Variants in STK32B observed in about 807,000 individuals in gnomAD.
The protein encoded by STK32B is serine/threonine kinase 32B, also known as serine/threonine-protein kinase 32B.
A neutral mutation model predicts 52.6 loss-of-function variants in STK32B; 43 were observed. That is an observed-to-expected ratio of 0.82 (90% CI 0.64 to 1.05). STK32B has a LOEUF of 1.05. Ranked by LOEUF, STK32B falls within the 50% of genes least tolerant of loss-of-function variation. The pLI, the probability that STK32B is intolerant of heterozygous loss-of-function variation, is 0.00. For synonymous variants in STK32B, 238 were observed against 204.3 expected, an observed-to-expected ratio of 1.17 and a Z score of -1.41; for missense variants, 621 against 534.6, an observed-to-expected ratio of 1.16 and a Z score of -1.59.
At chr4:5,140,513 T>G (rs1250754962) in intron 2 of STK32B, among the ~76,000 whole-genome samples, 3 of 152,152 alleles carry the variant, frequency 2.0e-5, no homozygotes, top group Non-Finnish European at 1.5e-5. Flanking sequence ...TTTTTTCACA[T>G]CTATTGTTAT....
chr4:5,364,134 T>C (rs1267346207), intron 4 of STK32B, among the ~76,000 whole-genome samples: 1 of 152,208 alleles, frequency 6.6e-6, no homozygotes, highest in Non-Finnish European at 1.5e-5. Flanking sequence ...GCCTTAGCAC[T>C]GTCATTCAAA....
intron 3 of STK32B, among the ~76,000 whole-genome samples, chr4:5,226,237 G>C (rs535963978): frequency 6.6e-6 from 1 of 152,216 alleles, no homozygotes; most frequent in South Asian, 2.1e-4. Context: ...TTTTTTTGCA[G>C]ATGCCATTAT....
chr4:5,283,257 T>G (rs1728324905), intron 3 of STK32B, among the ~76,000 whole-genome samples: 1 of 152,088 alleles, frequency 6.6e-6, no homozygotes, highest in African/African-American at 2.4e-5. Flanking sequence ...ATTTCCTTCT[T>G]TTTTTAAAAG....
the STK32B span, among the ~76,000 whole-genome samples, chr4:5,031,014 C>A: frequency 6.6e-6 from 1 of 151,866 alleles, no homozygotes; most frequent in Non-Finnish European, 1.5e-5. Flanking sequence ...TTTTGCAAGG[C>A]AGACTGACAG....
At chr4:5,189,160 C>CT (rs961663522) in intron 3 of STK32B, among the ~76,000 whole-genome samples, 5 of 152,240 alleles carry the variant, frequency 3.3e-5, no homozygotes, top group African/African-American at 4.8e-5. Context: ...TGGCACATCA[C>CT]TATCACCCAG....
At chr4:5,461,706 C>T (rs1717038449) in intron 9 of STK32B, among the ~76,000 whole-genome samples, 1 of 152,328 alleles carries the variant, frequency 6.6e-6, no homozygotes, top group South Asian at 2.1e-4. Context: ...ACTTCCCTCG[C>T]AGGCAGGGCT....
chr4:5,444,297 C>A (rs556389383), intron 6 of STK32B, among the ~76,000 whole-genome samples: 80 of 152,226 alleles, frequency 5.3e-4, no homozygotes, highest in Non-Finnish European at 9.0e-4. Context: ...GGGATATAAT[C>A]TTGTGGTGCA....
chr4:5,144,007 C>G (rs1432056059), intron 2 of STK32B, among the ~76,000 whole-genome samples: 1 of 152,176 alleles, frequency 6.6e-6, no homozygotes, highest in Non-Finnish European at 1.5e-5. Flanking sequence ...AATTGGGCCT[C>G]TACTTTAGAG....
At chr4:5,314,129 A>AT (rs913821990) in intron 3 of STK32B, among the ~76,000 whole-genome samples, 3 of 152,010 alleles carry the variant, frequency 2.0e-5, no homozygotes, top group African/African-American at 7.3e-5. Flanking sequence ...TTGAAAAAAA[A>AT]ATAAAGCAGG....
At chr4:5,348,732 C>T (rs963804368) in intron 4 of STK32B, among the ~76,000 whole-genome samples, 1 of 152,206 alleles carries the variant, frequency 6.6e-6, no homozygotes, top group Non-Finnish European at 1.5e-5. Flanking sequence ...AGGATCACCA[C>T]AACCCTGCCT....
rs1560186039 is a variant in STK32B, at chr4:5,159,632, TATATATATGA to T, written c.109-8664_109-8655del. Among the ~76,000 whole-genome samples the T allele has an allele frequency of 2.8e-3, 222 of 80,052 alleles. 45 individuals are homozygous for T. The highest frequency in any genetic ancestry group is 0.015 in the African/African-American group (196 of 13,016). The allele number at this position is 80,052 out of a possible 152,430, so 52.5% of individuals were successfully genotyped here. On this transcript the variant is annotated intron_variant, in intron 2 of 11. Transcript: ENST00000282908. ...ATGAATATATATGAATATATATGAA[TATATATATGA>T]ATGTATATGAATATATATATGAATG...
rs140894054 is a variant in STK32B, at chr4:5,113,944, C to T, written c.53-25961C>T. Among the ~76,000 whole-genome samples, 212 of 152,128 alleles carry T rather than the reference C, an allele frequency of 1.4e-3. 2 individuals are homozygous for T. Among genetic ancestry groups the T allele is most frequent in the African/African-American group, 5.0e-3 (208 of 41,494 alleles). ...GAAACCCGCCCCCCTTTTTAAAAAC[C>T]ATCAGATCTTGTGAGACTTACTATC... On this transcript the variant is annotated intron_variant, in intron 1 of 11. Transcript: ENST00000282908.
chr4:5,108,418 C>A (rs994439123), intron 1 of STK32B, among the ~76,000 whole-genome samples: 5 of 152,018 alleles, frequency 3.3e-5, no homozygotes, highest in African/African-American at 1.2e-4. Flanking sequence ...TCTTGGTTGG[C>A]GCTGTTAAAT....
At chr4:5,153,714 C>G (rs1717562239) in intron 2 of STK32B, among the ~76,000 whole-genome samples, 1 of 152,082 alleles carries the variant, frequency 6.6e-6, no homozygotes, top group Admixed American at 6.5e-5. Flanking sequence ...AAAATAAAAT[C>G]ATACAGATTT....
At chr4:5,362,723 T>C (rs886408549) in intron 4 of STK32B, among the ~76,000 whole-genome samples, 6 of 152,184 alleles carry the variant, frequency 3.9e-5, no homozygotes, top group African/African-American at 1.4e-4. Context: ...TCCAGAGGCA[T>C]ACCCAAAGAA....
At chr4:5,426,028 GT>G (rs1713061543) in intron 6 of STK32B, among the ~76,000 whole-genome samples, 1 of 152,184 alleles carries the variant, frequency 6.6e-6, no homozygotes, top group South Asian at 2.1e-4. Flanking sequence ...GTTGTTTACA[GT>G]TTTACATATT....
intron 3 of STK32B, among the ~76,000 whole-genome samples, chr4:5,233,672 C>T (rs1469975116): frequency 1.3e-5 from 2 of 150,712 alleles, no homozygotes; most frequent in South Asian, 2.1e-4. Flanking sequence ...GGGATGGGGA[C>T]ATCTAGTAAG....
At chr4:5,182,027 A>G (rs1416462043) in intron 3 of STK32B, among the ~76,000 whole-genome samples, 1 of 152,240 alleles carries the variant, frequency 6.6e-6, no homozygotes, top group Non-Finnish European at 1.5e-5. Context: ...GTGATATTCT[A>G]AATCCTTTGT....
At chr4:5,053,910 CGGAG>C (rs1741890150) in intron 1 of STK32B, among the ~76,000 whole-genome samples, 1 of 151,658 alleles carries the variant, frequency 6.6e-6, no homozygotes, top group South Asian at 2.1e-4. Flanking sequence ...ACCCGGGAGG[CGGAG>C]GTTGCAGTGA....
Sources: gnomAD v4.1 joint callset for allele counts (sites outside exome capture counted in the v4.1 genomes callset) on GRCh38, gnomAD v4.1.1 for gene constraint, MANE v1.5 for transcripts, NCBI Gene and HGNC (gene_info 2026-07-23, HGNC 2026-07-21) for gene names.